Variants in RPTOR observed in about 807,000 individuals in gnomAD.
RPTOR encodes the protein regulatory associated protein of MTOR complex 1, also known as regulatory-associated protein of mTOR.
A neutral mutation model predicts 169.9 loss-of-function variants in RPTOR; 21 were observed. The observed-to-expected ratio is 0.12, with a 90% CI of 0.09 to 0.18. RPTOR has a LOEUF of 0.18. RPTOR is among the 10% of genes least tolerant of loss of function. RPTOR has a pLI of 1.00. For synonymous variants in RPTOR, 732 were observed against 753.2 expected, an observed-to-expected ratio of 0.97 and a Z score of 0.46; for missense variants, 1,133 against 1,855.9, an observed-to-expected ratio of 0.61 and a Z score of 7.16.
At chr17:80,735,534 C>G (rs2066427131) in intron 5 of RPTOR, among the ~76,000 whole-genome samples, 1 of 152,174 alleles carries the variant, frequency 6.6e-6, no homozygotes, top group Non-Finnish European at 1.5e-5. Context: ...AAACGGAGCC[C>G]ATGAAGTCTT....
At chr17:80,584,969 C>T (rs939478262) in intron 1 of RPTOR, among the ~76,000 whole-genome samples, 11 of 152,032 alleles carry the variant, frequency 7.2e-5, no homozygotes, top group African/African-American at 1.4e-4. Flanking sequence ...ATAGAAAGAG[C>T]GTGAGCTGGC....
Position 80,887,789 on chromosome 17 carries a change from C to T in RPTOR, c.1983+2641C>T, listed in dbSNP as rs565448141. Among the ~76,000 whole-genome samples, 10 of 152,268 alleles carry T rather than the reference C, an allele frequency of 6.6e-5. No homozygotes were observed. In the East Asian group the frequency reaches 1.5e-3, roughly 23 times the overall value. ...TCCTGTGTGGGGTGATAACGATGGC[C>T]GAGTAGGTTTTGTTTGTTGACTTGT... On this transcript the variant is annotated intron_variant, in intron 17 of 33. Transcript: ENST00000306801.
intron 24 of RPTOR, among the ~76,000 whole-genome samples, chr17:80,937,217 G>A (rs73357818): frequency 0.023 from 3,498 of 152,146 alleles, 137 homozygotes; most frequent in African/African-American, 0.079. Context: ...TTTTCCCATG[G>A]GTGCCTCTCC....
chr17:80,929,919 T>C (rs2068854644), intron 24 of RPTOR, among the ~76,000 whole-genome samples: 1 of 152,136 alleles, frequency 6.6e-6, no homozygotes, highest in South Asian at 2.1e-4. Context: ...CTGTGTGACA[T>C]TCTTTATATA....
intron 13 of RPTOR, among the ~76,000 whole-genome samples, chr17:80,862,029 G>A (rs1050965206): frequency 1.3e-5 from 2 of 152,122 alleles, no homozygotes; most frequent in Non-Finnish European, 2.9e-5. Flanking sequence ...CCATGAGCAC[G>A]GAGGCTGCAG....
intron 6 of RPTOR, chr17:80,773,945 G>A (rs1189466710): frequency 1.0e-6 from 1 of 984,140 alleles, no homozygotes; most frequent in South Asian, 4.7e-5. Flanking sequence ...GGCCTGCCCT[G>A]GGGGCTATGG....
chr17:80,892,598 C>A, intron 18 of RPTOR, 131 bp from the exon 19 acceptor site: 3 of 1,000,252 alleles, frequency 3.0e-6, no homozygotes, highest in Non-Finnish European at 4.5e-6. Context: ...GCTGTGCAGC[C>A]CCTGCTCTGA....
At chr17:80,961,274 C>T (rs958534378) in intron 30 of RPTOR, 120 bp from the exon 31 acceptor site, 11 of 876,178 alleles carry the variant, frequency 1.3e-5, no homozygotes, top group South Asian at 1.7e-5. Context: ...GGGGAGCGGA[C>T]GGGCGAGGGC....
At chr17:80,561,880 ATGTG>A (rs1169646160) in intron 1 of RPTOR, among the ~76,000 whole-genome samples, 1 of 142,590 alleles carries the variant, frequency 7.0e-6, no homozygotes, top group Non-Finnish European at 1.5e-5. Flanking sequence ...GTATGTGAAT[ATGTG>A]TGTGTGTGAG....
At chr17:80,571,398 C>G (rs968111241) in intron 1 of RPTOR, among the ~76,000 whole-genome samples, 1 of 152,168 alleles carries the variant, frequency 6.6e-6, no homozygotes. Flanking sequence ...TGTGTGCCCC[C>G]AGCCCAGTCA....
chr17:80,766,079 G>A (rs952210050), intron 6 of RPTOR, among the ~76,000 whole-genome samples: 7 of 152,064 alleles, frequency 4.6e-5, no homozygotes, highest in Admixed American at 2.0e-4. Context: ...TTTTTAAGAC[G>A]TGATCTTGCT....
intron 1 of RPTOR, among the ~76,000 whole-genome samples, chr17:80,568,444 C>T (rs1037064334): frequency 1.3e-5 from 2 of 152,128 alleles, no homozygotes; most frequent in Admixed American, 6.6e-5. Flanking sequence ...GTTGGTCTTA[C>T]TTTTGTTCTC....
intron 1 of RPTOR, among the ~76,000 whole-genome samples, chr17:80,555,935 G>C (rs1386075001): frequency 6.6e-6 from 1 of 152,140 alleles, no homozygotes; most frequent in African/African-American, 2.4e-5. Context: ...TGCTAATCCA[G>C]GTGAGAAGCC....
At chr17:80,880,582 C>A in intron 14 of RPTOR, 93 bp downstream of exon 14, 1 of 1,226,448 alleles carries the variant, frequency 8.2e-7, no homozygotes, top group South Asian at 1.2e-5. Context: ...TTGACGGGGG[C>A]TACAGGAGAA....
intron 3 of RPTOR, among the ~76,000 whole-genome samples, chr17:80,688,938 C>T (rs2143734665): frequency 6.6e-6 from 1 of 152,294 alleles, no homozygotes; most frequent in South Asian, 2.1e-4. Flanking sequence ...TTCTGCTTTA[C>T]ACAAGGCACC....
intron 4 of RPTOR, among the ~76,000 whole-genome samples, chr17:80,722,734 A>T (rs888708408): frequency 6.6e-6 from 1 of 151,436 alleles, no homozygotes; most frequent in African/African-American, 2.5e-5. Context: ...TGTGTCCTTC[A>T]TCCAGCTACC....
At chr17:80,664,864 TA>T (rs2065751878) in intron 3 of RPTOR, among the ~76,000 whole-genome samples, 1 of 152,252 alleles carries the variant, frequency 6.6e-6, no homozygotes, top group African/African-American at 2.4e-5. Context: ...TATACTTTTC[TA>T]AATTTTATGT....
At chr17:80,830,007 T>C (rs981199396) in intron 9 of RPTOR, among the ~76,000 whole-genome samples, 3 of 152,154 alleles carry the variant, frequency 2.0e-5, no homozygotes, top group Admixed American at 1.3e-4. Flanking sequence ...GAAAATTATA[T>C]CATGAGCCAA....
intron 1 of RPTOR, among the ~76,000 whole-genome samples, chr17:80,604,149 G>A (rs1017719988): frequency 1.3e-5 from 2 of 152,198 alleles, no homozygotes; most frequent in African/African-American, 4.8e-5. Context: ...ATATTGACAT[G>A]TACATCACCA....
Sources: gnomAD v4.1 joint callset for allele counts (sites outside exome capture counted in the v4.1 genomes callset) on GRCh38, gnomAD v4.1.1 for gene constraint, MANE v1.5 for transcripts, NCBI Gene and HGNC (gene_info 2026-07-23, HGNC 2026-07-21) for gene names.